Variants in DMXL1 observed in about 807,000 individuals in gnomAD.
DMXL1 encodes the protein Dmx like 1.
A neutral mutation model predicts 319.2 loss-of-function variants in DMXL1; 99 were observed. The observed-to-expected ratio is 0.31, with a 90% CI of 0.26 to 0.37. The LOEUF (loss-of-function observed/expected upper bound fraction) is 0.37, where lower values mean the gene tolerates loss of function less well. Among genes scored for constraint, DMXL1 ranks in the 10% least tolerant of loss-of-function variants. The pLI is 1.00. For synonymous variants in DMXL1, 1,385 were observed against 1,235.2 expected (o/e 1.12, Z -2.54); for missense variants, 3,745 against 3,595.6 (o/e 1.04, Z -1.06).
At position 119,177,497 on chromosome 5, in the gene DMXL1, T is replaced by C; in HGVS notation, c.6886+13T>C. 6.3e-7 allele frequency: 1 copy of C among 1,579,794 alleles called. No homozygotes were observed. Among genetic ancestry groups the C allele is most frequent in the Non-Finnish European group, 8.6e-7 (1 of 1,167,036 alleles). On this transcript the variant is annotated intron_variant, in intron 27 of 43. Coordinates refer to ENST00000539542, the MANE Select transcript of DMXL1 (RefSeq NM_001290321.3). ...GCTCAATGGCCAGGTATAATTTTTA[T>C]GTATAGATCAGTTTTTTCTTAGTCT...
chr5:119,134,914 C>T (rs1055041348), intron 13 of DMXL1, among the ~76,000 whole-genome samples: 1 of 152,202 alleles, frequency 6.6e-6, no homozygotes, highest in Non-Finnish European at 1.5e-5. Context: ...AGCGTTTCCA[C>T]TTTTCTGGTT....
intron 33 of DMXL1, 61 bp from the exon 34 acceptor site, chr5:119,206,773 T>G: frequency 1.0e-6 from 1 of 988,316 alleles, no homozygotes. Flanking sequence ...CAATCCCCAG[T>G]ATTTTGCATG....
At chr5:119,104,941 AG>A (rs1292780580) in intron 3 of DMXL1, among the ~76,000 whole-genome samples, 1 of 152,232 alleles carries the variant, frequency 6.6e-6, no homozygotes, top group Non-Finnish European at 1.5e-5. Flanking sequence ...CTGTTATCCA[AG>A]GTAGCGTATG....
chr5:119,134,733 A>G (rs1031468338), intron 13 of DMXL1, among the ~76,000 whole-genome samples: 1 of 152,354 alleles, frequency 6.6e-6, no homozygotes, highest in Admixed American at 6.5e-5. Context: ...CAACAGGAAT[A>G]GAATTTTAAT....
At position 119,247,357 on chromosome 5, in the gene DMXL1, G is replaced by A; in HGVS notation, c.*138G>A. 2 of 621,812 alleles carry A rather than the reference G, an allele frequency of 3.2e-6. No homozygotes were observed. Among genetic ancestry groups the A allele is most frequent in the Non-Finnish European group, 5.4e-6 (2 of 368,112 alleles). The allele number at this position is 621,812 out of a possible 1,614,324, so 38.5% of individuals were successfully genotyped here. Reference sequence around the variant, plus strand: ...ATTTATTTTATGGAGCTTTGCCCTTGATGCACTGATGCCTTAAAAATTAAC... The same window carrying A: ...ATTTATTTTATGGAGCTTTGCCCTTAATGCACTGATGCCTTAAAAATTAAC... On this transcript the variant is annotated 3_prime_UTR_variant, in exon 44 of 44. Coordinates refer to ENST00000539542, the MANE Select transcript of DMXL1 (RefSeq NM_001290321.3).
intron 29 of DMXL1, among the ~76,000 whole-genome samples, chr5:119,191,323 A>G (rs1237675249): frequency 2.0e-5 from 3 of 152,190 alleles, no homozygotes; most frequent in Admixed American, 6.5e-5. Flanking sequence ...TCTAACTGTA[A>G]CTGTTCTCTG....
chr5:119,166,165 G>A (rs1773401686), intron 21 of DMXL1, among the ~76,000 whole-genome samples: 1 of 152,106 alleles, frequency 6.6e-6, no homozygotes, highest in Non-Finnish European at 1.5e-5. Context: ...CACATGAACA[G>A]CGACCTTTGG....
intron 2 of DMXL1, among the ~76,000 whole-genome samples, chr5:119,100,437 TAAAA>T (rs767262000): frequency 7.8e-6 from 1 of 128,152 alleles, no homozygotes; most frequent in Non-Finnish European, 1.7e-5. Context: ...CTCCGTCTCA[TAAAA>T]AAAAAAAAAA....
chr5:119,150,633 C>CA (rs1010716602), intron 18 of DMXL1, among the ~76,000 whole-genome samples: 7 of 150,206 alleles, frequency 4.7e-5, no homozygotes, highest in African/African-American at 9.8e-5. Flanking sequence ...TCTATGAAAA[C>CA]AAAAAAAAAT....
intron 5 of DMXL1, 111 bp from the exon 6 acceptor site, chr5:119,114,364 T>A: frequency 1.3e-6 from 1 of 764,798 alleles, no homozygotes; most frequent in South Asian, 1.7e-5. Context: ...GGTGTGAAAC[T>A]TATAACATTT....
chr5:119,178,543 C>G (rs1451191413), intron 28 of DMXL1: 1 of 907,838 alleles, frequency 1.1e-6, no homozygotes, highest in Non-Finnish European at 1.3e-6. Context: ...TGTTCTATCC[C>G]AAATACGGAT....
rs577777388 is a variant in DMXL1, at chr5:119,090,755, C to A, written c.88-7224C>A. 2.0e-5 allele frequency among the ~76,000 whole-genome samples: 3 copies of A among 151,556 alleles called. No homozygotes were observed. The East Asian group carries it at 5.8e-4, about 29-fold the overall frequency. On this transcript the variant is annotated intron_variant, in intron 1 of 43. Transcript: ENST00000539542. The stretch of plus-strand genomic sequence containing the variant: ...TTTTTTTTTGTATTTTTAGTAGAGA[C>A]GGGGTTTCACCATGTTGGCCAGGGT...
chr5:119,205,212 G>A (rs1055506144), intron 33 of DMXL1, among the ~76,000 whole-genome samples: 1 of 151,760 alleles, frequency 6.6e-6, no homozygotes, highest in African/African-American at 2.4e-5. Context: ...TTCTACTGCC[G>A]ATATATTTGG....
chr5:119,123,186 G>A (rs573290209), intron 9 of DMXL1, among the ~76,000 whole-genome samples: 17 of 152,026 alleles, frequency 1.1e-4, no homozygotes, highest in Middle Eastern at 3.4e-3. Context: ...GCCTGCAATC[G>A]CAGGCACTCG....
Position 119,247,183 on chromosome 5 carries a change from T to C in DMXL1, c.9111T>C (p.Asn3037=). ...TGCCAGATCAGTTTAGCCCTTTAAA[T>C]GAAGTGTTGAAAAATGATGTGAAAT... The part of the protein sequence containing the change: ...RILPDQFSPL[N]EVLKNDVKFM... Residue 3037 remains asparagine, a synonymous_variant, in exon 44 of 44, where the codon AAT becomes AAC. Transcript: ENST00000539542. 2.5e-6 allele frequency: 4 copies of C among 1,613,440 alleles called. No individual in the cohort carries two copies. The highest frequency in any genetic ancestry group is 3.4e-6 in the Non-Finnish European group (4 of 1,179,678).
intron 38 of DMXL1, among the ~76,000 whole-genome samples, chr5:119,227,050 C>T (rs564968510): frequency 3.5e-4 from 54 of 152,164 alleles, no homozygotes; most frequent in African/African-American, 1.2e-3. Context: ...TGGAGGTTGG[C>T]GAGTGGAACT....
rs139068300 is a variant in DMXL1, at chr5:119,134,069, A to G, written c.2145A>G (p.Pro715=). ...LILWRVDPVG[P]LSFSGGVSEL... Reference sequence around the variant, plus strand: ...TGTGGAGGGTTGACCCAGTTGGGCCATTGTCTTTTTCTGGAGGAGTTTCTG... The same window carrying G: ...TGTGGAGGGTTGACCCAGTTGGGCCGTTGTCTTTTTCTGGAGGAGTTTCTG... Residue 715 remains proline (P), a synonymous_variant, in exon 12 of 44, where the codon CCA becomes CCG. Transcript: ENST00000539542. 2.5e-6 allele frequency: 4 copies of G among 1,614,120 alleles called. No individual in the cohort carries two copies. Among genetic ancestry groups the G allele is most frequent in the Non-Finnish European group, 3.4e-6 (4 of 1,180,024 alleles).
rs142474400 is a variant in DMXL1, at chr5:119,115,858, A to G, written c.565-300A>G. Among the ~76,000 whole-genome samples, 650 of 152,330 alleles carry G rather than the reference A, an allele frequency of 4.3e-3. 6 individuals are homozygous for G. The highest frequency in any genetic ancestry group is 0.02 in the South Asian group (96 of 4,826). ...TTTAATATTTGGCTTACTGGAAAAG[A>G]CGTCCTTAATTTTATCTTTCAGTGT... On this transcript the variant is annotated intron_variant, in intron 6 of 43. Coordinates refer to ENST00000539542, the MANE Select transcript of DMXL1 (RefSeq NM_001290321.3).
At chr5:119,225,778 T>G (rs929049905) in intron 38 of DMXL1, among the ~76,000 whole-genome samples, 7 of 152,078 alleles carry the variant, frequency 4.6e-5, no homozygotes, top group African/African-American at 1.7e-4. Flanking sequence ...TATAAAAAAT[T>G]TGTCTGTTTT....
Sources: gnomAD v4.1 joint callset for allele counts (sites outside exome capture counted in the v4.1 genomes callset) on GRCh38, gnomAD v4.1.1 for gene constraint, MANE v1.5 for transcripts, NCBI Gene and HGNC (gene_info 2026-07-23, HGNC 2026-07-21) for gene names.